The following ZNF644 variants were observed in gnomAD, a reference collection of about 807,000 sequenced individuals.
ZNF644 encodes the protein zinc finger protein 644, also known as zinc finger motif enhancer binding protein 2.
Under a neutral mutation model 108.0 loss-of-function variants are expected in ZNF644, and 20 were observed. That is an observed-to-expected ratio of 0.19 (90% CI 0.13 to 0.27). ZNF644 has a LOEUF of 0.27. Ranked by LOEUF, ZNF644 falls within the 10% of genes least tolerant of loss-of-function variation. ZNF644 has a pLI of 1.00. For synonymous variants in ZNF644, 542 were observed against 539.1 expected, an observed-to-expected ratio of 1.01 and a Z score of -0.08; for missense variants, 1,338 against 1,548.9, an observed-to-expected ratio of 0.86 and a Z score of 2.29.
Position 90,937,673 on chromosome 1 carries a change from T to G in ZNF644, c.3500A>C (p.Gln1167Pro), listed in dbSNP as rs752325827. 8 of 1,613,870 alleles carry G rather than the reference T, an allele frequency of 5.0e-6. No homozygotes were observed. The African/African-American group carries it at 8.0e-5, about 16-fold the overall frequency. Reference sequence around the variant, plus strand: ...AAGAAGTTCTATGAGTGTAAGAGACTGATTCTTTTTCCCACTGGGCAGTTC... The same window carrying G: ...AAGAAGTTCTATGAGTGTAAGAGACGGATTCTTTTTCCCACTGGGCAGTTC... Reference protein sequence around the residue: ...KPELPSGKKNQSLTLIELLKN... With the variant: ...KPELPSGKKNPSLTLIELLKN... Residue 1167 changes from glutamine to proline, a missense_variant, in exon 4 of 6, where the codon CAG becomes CCG. Coordinates refer to ENST00000337393, the MANE Select transcript of ZNF644 (RefSeq NM_201269.3).
chr1:90,981,548 C>T (rs1159179941), intron 2 of ZNF644, among the ~76,000 whole-genome samples: 1 of 151,884 alleles, frequency 6.6e-6, no homozygotes, highest in Non-Finnish European at 1.5e-5. Context: ...GAGGGAAAAC[C>T]AAGTTAACTC....
chr1:91,021,740 C>A (rs1309602833), intron 1 of ZNF644: 2 of 294,260 alleles, frequency 6.8e-6, no homozygotes, highest in Non-Finnish European at 1.3e-5. Flanking sequence ...TCCCCGAACC[C>A]GGGGCCCGGG....
intron 1 of ZNF644, among the ~76,000 whole-genome samples, chr1:90,987,412 C>A (rs1395679290): frequency 6.6e-6 from 1 of 151,418 alleles, no homozygotes; most frequent in African/African-American, 2.4e-5. Flanking sequence ...AATTATACAT[C>A]AACAATTGAA....
chr1:90,937,758 C>A lies in ZNF644; in HGVS notation c.3415G>T (p.Val1139Leu). ...AGCCCTTCTTCTTCTGATGCAGACA[C>A]TGACAGAGCTTCAGTCTTTAGGCCA... The part of the protein sequence containing the change: ...RNGLKTEALS[V>L]SASEEEGLNF... Residue 1139 changes from valine to leucine, a missense_variant, in exon 4 of 6, where the codon GTG becomes TTG. Coordinates refer to ENST00000337393, the MANE Select transcript of ZNF644 (RefSeq NM_201269.3). 1 of 1,613,870 alleles carries A rather than the reference C, an allele frequency of 6.2e-7. No individual in the cohort carries two copies. The highest frequency in any genetic ancestry group is 1.1e-5 in the South Asian group (1 of 91,080).
intron 4 of ZNF644, among the ~76,000 whole-genome samples, chr1:90,930,599 G>A (rs1054570480): frequency 7.9e-5 from 12 of 151,972 alleles, no homozygotes; most frequent in African/African-American, 2.9e-4. Flanking sequence ...TTCTTAAGTG[G>A]GTAGCAAATC....
intron 4 of ZNF644, chr1:90,918,381 T>C (rs1649049176): frequency 1.9e-6 from 1 of 524,164 alleles, no homozygotes; most frequent in African/African-American, 1.9e-5. Flanking sequence ...CTATCTGTAT[T>C]CTTCCTATAC....
intron 2 of ZNF644, among the ~76,000 whole-genome samples, chr1:90,979,921 T>G (rs939461990): frequency 1.3e-5 from 2 of 152,220 alleles, no homozygotes; most frequent in East Asian, 3.8e-4. Context: ...TTCAACTGGA[T>G]TGAATGAAGA....
intron 2 of ZNF644, among the ~76,000 whole-genome samples, chr1:90,962,469 T>G (rs1242916712): frequency 1.3e-5 from 2 of 152,106 alleles, no homozygotes; most frequent in Non-Finnish European, 2.9e-5. Flanking sequence ...AAGGTGATTC[T>G]ATGCCTCACA....
chr1:90,939,744 T>C lies in ZNF644; in HGVS notation c.1610A>G (p.Glu537Gly). 6.2e-7 allele frequency: 1 copy of C among 1,614,006 alleles called. No individual in the cohort carries two copies. The highest frequency in any genetic ancestry group is 8.5e-7 in the Non-Finnish European group (1 of 1,179,952). Residue 537 changes from glutamate to glycine, a missense_variant, in exon 3 of 6, where the codon GAA becomes GGA. This residue lies in a region of ZNF644 where 80 missense variants were observed against 183.0 expected (regional missense o/e 0.44). Coordinates refer to ENST00000337393, the MANE Select transcript of ZNF644 (RefSeq NM_201269.3). ...GCCTCGATGGCATTCCAATTCATTT[T>C]CTGTCACTGCCATGAAGTTACACTC... Reference protein sequence around the residue: ...CEECNFMAVTENELECHRGIA... With the variant: ...CEECNFMAVTGNELECHRGIA...
intron 4 of ZNF644, among the ~76,000 whole-genome samples, chr1:90,930,118 C>A (rs1376755479): frequency 6.6e-6 from 1 of 152,200 alleles, no homozygotes; most frequent in Admixed American, 6.5e-5. Context: ...GAAACCCCAT[C>A]TCTACTAAAA....
chr1:90,974,096 C>T (rs1160035873), intron 2 of ZNF644, among the ~76,000 whole-genome samples: 1 of 152,124 alleles, frequency 6.6e-6, no homozygotes, highest in African/African-American at 2.4e-5. Flanking sequence ...ACAGGCTCTG[C>T]TAAGTCCACC....
At chr1:90,919,401 G>C (rs1649172797) in intron 4 of ZNF644, among the ~76,000 whole-genome samples, 1 of 152,092 alleles carries the variant, frequency 6.6e-6, no homozygotes, top group African/African-American at 2.4e-5. Context: ...TCAAAGTCCA[G>C]ATTCCAAAAG....
intron 1 of ZNF644, among the ~76,000 whole-genome samples, chr1:91,005,147 T>A (rs1331730601): frequency 1.3e-5 from 2 of 152,090 alleles, no homozygotes; most frequent in Non-Finnish European, 2.9e-5. Flanking sequence ...AAAAAAGTTA[T>A]ACCATGCAGA....
chr1:90,944,370 T>C (rs1415746810), intron 2 of ZNF644, among the ~76,000 whole-genome samples: 4 of 152,110 alleles, frequency 2.6e-5, no homozygotes, highest in African/African-American at 9.7e-5. Context: ...AAAAAATATA[T>C]GTGCATAACA....
At chr1:90,918,237 C>T (rs1649025973) in intron 4 of ZNF644, 83 bp from the exon 5 acceptor site, 2 of 1,129,070 alleles carry the variant, frequency 1.8e-6, no homozygotes, top group Non-Finnish European at 2.6e-6. Flanking sequence ...AGAGGTCAGA[C>T]AGACCATCTA....
Position 90,938,307 on chromosome 1 carries a change from G to C in ZNF644, c.3047C>G (p.Thr1016Ser). ...TSDKMQHFKR[T>S]GTGTPVKRVR... is the part of the protein sequence containing the mutation. ...TCGTTTAACAGGTGTTCCTGTGCCA[G>C]TTCTTTTGAAATGCTGCATTTTGTC... is the stretch of plus-strand genomic sequence containing the variant. Residue 1016 changes from threonine (T) to serine (S), a missense_variant, in exon 3 of 6, where the codon ACT becomes AGT. Thr to Ser is a moderately conservative substitution (Grantham distance 58). This residue lies in a region of ZNF644 where 287 missense variants were observed against 310.9 expected (regional missense o/e 0.92). Coordinates refer to ENST00000337393, the MANE Select transcript of ZNF644 (RefSeq NM_201269.3). The surrounding 1 kb of genome is among the most constrained non-coding windows in gnomAD (Gnocchi z 4.2). 3 of 1,613,982 alleles carry C rather than the reference G, an allele frequency of 1.9e-6. No homozygotes were observed. Among genetic ancestry groups the C allele is most frequent in the Non-Finnish European group, 2.5e-6 (3 of 1,179,888 alleles).
At chr1:90,929,977 T>C (rs192231912) in intron 4 of ZNF644, among the ~76,000 whole-genome samples, 4 of 152,198 alleles carry the variant, frequency 2.6e-5, no homozygotes, top group Non-Finnish European at 5.9e-5. Context: ...TGGGCTTTAC[T>C]TCCAAAACGT....
At chr1:91,005,509 A>C (rs1422157324) in intron 1 of ZNF644, among the ~76,000 whole-genome samples, 2 of 152,178 alleles carry the variant, frequency 1.3e-5, no homozygotes, top group East Asian at 3.8e-4. Flanking sequence ...AATGTTCTTT[A>C]GTATGTACTA....
chr1:91,011,517 A>G (rs927468953), intron 1 of ZNF644, among the ~76,000 whole-genome samples: 1 of 152,206 alleles, frequency 6.6e-6, no homozygotes, highest in Non-Finnish European at 1.5e-5. Context: ...CTATACTACA[A>G]TAAGGTTTCT....
Sources: allele counts gnomAD v4.1 joint callset (sites outside exome capture counted in the v4.1 genomes callset), GRCh38; gene constraint gnomAD v4.1.1; regional missense constraint gnomAD v4.1.1; non-coding constraint Gnocchi (gnomAD v3.1); transcripts MANE v1.5; gene names NCBI Gene and HGNC (gene_info 2026-07-23, HGNC 2026-07-21).